PTPRM: variants seen among roughly 807,000 people sequenced by gnomAD.
The protein encoded by PTPRM is receptor-type tyrosine-protein phosphatase mu.
In PTPRM, 47 loss-of-function variants were observed where a neutral mutation model predicts 186.7. The ratio of observed to expected loss-of-function variants is 0.25; its 90% CI spans 0.20 to 0.32. The LOEUF (loss-of-function observed/expected upper bound fraction) is 0.32, where lower values mean the gene tolerates loss of function less well. Ranked by LOEUF, PTPRM falls within the 10% of genes least tolerant of loss-of-function variation. The pLI, the probability that PTPRM is intolerant of heterozygous loss-of-function variation, is 1.00. For missense variants in PTPRM, 1,494 were observed against 1,865.0 expected, an observed-to-expected ratio of 0.80 and a Z score of 3.66; for synonymous variants, 668 against 674.9, an observed-to-expected ratio of 0.99 and a Z score of 0.16.
chr18:8,382,531 G>A (rs2095743510), intron 29 of PTPRM, among the ~76,000 whole-genome samples: 1 of 152,178 alleles, frequency 6.6e-6, no homozygotes. Context: ...TGACAAGGCA[G>A]TTTTATAACT....
chr18:7,979,054 A>G (rs542384113), intron 7 of PTPRM, among the ~76,000 whole-genome samples: 1 of 152,052 alleles, frequency 6.6e-6, no homozygotes, highest in Non-Finnish European at 1.5e-5. Flanking sequence ...TGGGTCTTTA[A>G]TTTCATTCCT....
rs57751538 is a variant in PTPRM, at chr18:8,126,027, A to ATATATTT, written c.2167+11201_2167+11202insATATTTT. 1.3e-3 allele frequency among the ~76,000 whole-genome samples: 92 copies of ATATATTT among 69,478 alleles called. 2 individuals are homozygous for ATATATTT. Among genetic ancestry groups the ATATATTT allele is most frequent in the Admixed American group, 1.7e-3 (8 of 4,698 alleles). 45.6% of individuals were successfully genotyped at this position (69,478 alleles called of 152,430 possible). On this transcript the variant is annotated intron_variant, in intron 13 of 32. Coordinates refer to ENST00000580170, the MANE Select transcript of PTPRM (RefSeq NM_001105244.2). ...TATATATATATATATATATATATAT[A>ATATATTT]TTTTAAATCAGTAGACCTTTCCATT...
At chr18:8,311,649 A>C (rs897755557) in intron 20 of PTPRM, among the ~76,000 whole-genome samples, 1 of 152,208 alleles carries the variant, frequency 6.6e-6, no homozygotes, top group Non-Finnish European at 1.5e-5. Context: ...AACCCATCTC[A>C]TTCTGTTAGG....
chr18:7,760,615 A>T (rs2041724701), intron 1 of PTPRM, among the ~76,000 whole-genome samples: 1 of 152,198 alleles, frequency 6.6e-6, no homozygotes, highest in African/African-American at 2.4e-5. Flanking sequence ...AAGGAAACCC[A>T]CAGTTAACTA....
intron 1 of PTPRM, among the ~76,000 whole-genome samples, chr18:7,648,002 G>A (rs1424436152): frequency 1.3e-5 from 2 of 152,096 alleles, no homozygotes; most frequent in African/African-American, 2.4e-5. Context: ...GAAGGTTTGT[G>A]GCAATCTTTC....
At chr18:8,109,087 T>A (rs1202346511) in intron 11 of PTPRM, among the ~76,000 whole-genome samples, 1 of 152,228 alleles carries the variant, frequency 6.6e-6, no homozygotes, top group Non-Finnish European at 1.5e-5. Context: ...AGATTATGAT[T>A]GTGGATGGAA....
intron 1 of PTPRM, among the ~76,000 whole-genome samples, chr18:7,686,184 C>T (rs1432827585): frequency 1.3e-5 from 2 of 152,162 alleles, no homozygotes; most frequent in Non-Finnish European, 2.9e-5. Flanking sequence ...GGACAAGGAT[C>T]TCCCAGGTCT....
chr18:7,669,818 G>A (rs981190616), intron 1 of PTPRM, among the ~76,000 whole-genome samples: 8 of 152,132 alleles, frequency 5.3e-5, no homozygotes, highest in African/African-American at 1.9e-4. Context: ...CACCTCCTGG[G>A]TTCAAGAGAT....
chr18:8,308,802 A>C (rs548100143), intron 20 of PTPRM, among the ~76,000 whole-genome samples: 9 of 152,344 alleles, frequency 5.9e-5, no homozygotes, highest in South Asian at 2.1e-4. Flanking sequence ...ATAATTGTTT[A>C]AGTTCATTAA....
At chr18:7,697,510 C>T (rs1011277741) in intron 1 of PTPRM, among the ~76,000 whole-genome samples, 3 of 152,130 alleles carry the variant, frequency 2.0e-5, no homozygotes, top group African/African-American at 4.8e-5. Flanking sequence ...TCCAGTAGGG[C>T]GATGAAAGAA....
rs754309737 is a variant in PTPRM at position 8,394,479 on chromosome 18, C to A, written c.4212C>A (p.Asn1404Lys). The A allele has an allele frequency of 1.2e-6, 2 of 1,607,752 alleles. No homozygotes were observed. The highest frequency in any genetic ancestry group is 1.1e-5 in the South Asian group (1 of 89,934). Residue 1404 changes from asparagine to lysine, a missense_variant, in exon 32 of 33, where the codon AAC (asparagine) becomes AAA (lysine). Physicochemically the swap from Asn to Lys is moderately conservative, Grantham distance 94. This residue lies in a region of PTPRM where 1,107 missense variants were observed against 1,350.2 expected (regional missense o/e 0.82). Transcript: ENST00000580170. Reference protein sequence around the residue: ...GEGRTVVHCLNGGGRSGTFCA... With the variant: ...GEGRTVVHCLKGGGRSGTFCA... The stretch of plus-strand genomic sequence containing the variant: ...CATCTGATCTTTTTCACGACAGGAA[C>A]GGGGGAGGCCGCAGTGGGACGTTCT...
At chr18:7,769,929 A>C (rs1568103971) in intron 1 of PTPRM, among the ~76,000 whole-genome samples, 1 of 152,176 alleles carries the variant, frequency 6.6e-6, no homozygotes, top group Non-Finnish European at 1.5e-5. Context: ...GAGTGATGCC[A>C]ACACCACCCC....
chr18:8,162,000 C>T (rs1455790021), intron 14 of PTPRM, among the ~76,000 whole-genome samples: 1 of 152,150 alleles, frequency 6.6e-6, no homozygotes, highest in African/African-American at 2.4e-5. Flanking sequence ...TCTTGCTAAT[C>T]CAAGCTGGAA....
chr18:7,768,848 G>T (rs894569433), intron 1 of PTPRM, among the ~76,000 whole-genome samples: 2 of 152,108 alleles, frequency 1.3e-5, no homozygotes, highest in South Asian at 4.2e-4. Context: ...GTTTCTCCAT[G>T]TTGGTCAGGC....
intron 4 of PTPRM, among the ~76,000 whole-genome samples, chr18:7,925,194 G>C (rs1024895456): frequency 1.3e-5 from 2 of 152,150 alleles, no homozygotes; most frequent in Non-Finnish European, 2.9e-5. Context: ...ACATAATTAT[G>C]TTATTCTTGA....
intron 1 of PTPRM, among the ~76,000 whole-genome samples, chr18:7,582,537 G>A (rs2036873164): frequency 1.3e-5 from 2 of 152,212 alleles, no homozygotes; most frequent in Non-Finnish European, 2.9e-5. Context: ...TGGTATGTGA[G>A]GCTGCAGGGT....
chr18:7,851,642 C>CAA (rs58055625), intron 2 of PTPRM, among the ~76,000 whole-genome samples: 39 of 149,952 alleles, frequency 2.6e-4, no homozygotes, highest in South Asian at 1.1e-3. Context: ...AACAAAAAAA[C>CAA]AAAAAAAAAA....
intron 14 of PTPRM, among the ~76,000 whole-genome samples, chr18:8,232,777 G>A (rs546771558): frequency 2.0e-5 from 3 of 152,314 alleles, no homozygotes; most frequent in East Asian, 1.9e-4. Flanking sequence ...AAAAGAGGAC[G>A]AACGTGGGAA....
chr18:7,828,148 G>T (rs573436054), intron 2 of PTPRM, among the ~76,000 whole-genome samples: 2 of 152,286 alleles, frequency 1.3e-5, no homozygotes, highest in South Asian at 2.1e-4. Context: ...GTCAAATGAG[G>T]CAGGATTGTA....
Sources: allele counts gnomAD v4.1 joint callset (sites outside exome capture counted in the v4.1 genomes callset), GRCh38; gene constraint gnomAD v4.1.1; regional missense constraint gnomAD v4.1.1; transcripts MANE v1.5; gene names NCBI Gene and HGNC (gene_info 2026-07-23, HGNC 2026-07-21).